Variants in CAPS2 observed in about 807,000 individuals in gnomAD.
CAPS2 encodes the protein calcyphosin-2.
A neutral mutation model predicts 86.5 loss-of-function variants in CAPS2; 98 were observed. The observed-to-expected ratio is 1.13, with a 90% confidence interval of 0.96 to 1.34. The LOEUF is 1.34. Ranked by LOEUF, CAPS2 falls within the 40% of genes most tolerant of loss-of-function variation. The pLI is 0.00. For missense variants in CAPS2, 729 were observed against 686.8 expected, an observed-to-expected ratio of 1.06 and a Z score of -0.69; for synonymous variants, 210 against 225.1, an observed-to-expected ratio of 0.93 and a Z score of 0.60.
intron 8 of CAPS2, among the ~76,000 whole-genome samples, chr12:75,300,509 T>TA: frequency 7.8e-6 from 1 of 128,266 alleles, no homozygotes; most frequent in Non-Finnish European, 1.5e-5. Context: ...TGAGCCGAGA[T>TA]CGCGCCACTG....
At chr12:75,336,086 T>G (rs1330673787) in intron 1 of CAPS2, among the ~76,000 whole-genome samples, 1 of 151,888 alleles carries the variant, frequency 6.6e-6, no homozygotes, top group Non-Finnish European at 1.5e-5. Flanking sequence ...TGAAGTGAAG[T>G]GTCAATAGAA....
Position 75,343,899 on chromosome 12 carries a change from T to A in CAPS2, c.-394-20677A>T, listed in dbSNP as rs1224169125. ...ATGAAACCCAATTTTATGATTTTGATAGTCTATCATGCTCCAGAGTCTGTG... is the reference window on the plus strand; with the variant it reads ...ATGAAACCCAATTTTATGATTTTGAAAGTCTATCATGCTCCAGAGTCTGTG... On this transcript the variant is annotated intron_variant, in intron 1 of 5. Coordinates refer to the CAPS2 transcript ENST00000551829. 1.6e-5 allele frequency: 26 copies of A among 1,611,560 alleles called. No homozygotes were observed. The highest frequency in any genetic ancestry group is 2.2e-5 in the Non-Finnish European group (26 of 1,177,950).
chr12:75,379,504 T>C (rs2044840901), intron 1 of CAPS2, among the ~76,000 whole-genome samples: 2 of 152,206 alleles, frequency 1.3e-5, no homozygotes, highest in Admixed American at 1.3e-4. Flanking sequence ...TTACTCTGAA[T>C]AGACTGTTGA....
At chr12:75,324,447 A>G (rs1487857579) in intron 2 of CAPS2, among the ~76,000 whole-genome samples, 1 of 152,216 alleles carries the variant, frequency 6.6e-6, no homozygotes, top group African/African-American at 2.4e-5. Flanking sequence ...AAAATTTACA[A>G]TAAACTTATA....
upstream of CAPS2, chr12:75,334,782 A>T (rs1047881765): frequency 3.1e-6 from 5 of 1,614,008 alleles, no homozygotes; most frequent in African/African-American, 4.0e-5. Context: ...TGTGTTTGGT[A>T]GCCACTACAT....
intron 1 of CAPS2, among the ~76,000 whole-genome samples, chr12:75,370,925 T>C (rs543600524): frequency 6.6e-5 from 10 of 152,248 alleles, no homozygotes; most frequent in Non-Finnish European, 1.0e-4. Context: ...GCTGAATTGT[T>C]GACTCCTGTG....
chr12:75,341,238 A>T (rs1239397332), intron 1 of CAPS2, among the ~76,000 whole-genome samples: 1 of 152,164 alleles, frequency 6.6e-6, no homozygotes, highest in Non-Finnish European at 1.5e-5. Flanking sequence ...TAATAGCTCA[A>T]ACTTGTAAAC....
Position 75,308,065 on chromosome 12 carries a change from C to G in CAPS2, c.660-3189G>C, listed in dbSNP as rs1442018780. ...AAAAATTGAAAATACCTGATTGGTC[C>G]CCTCCCAAGACCAATCAGGATGGTT... is the stretch of plus-strand genomic sequence containing the variant. On this transcript the variant is annotated intron_variant, in intron 7 of 16. Transcript: ENST00000393284. Among the ~76,000 whole-genome samples, 3 of 152,196 alleles carry G rather than the reference C, an allele frequency of 2.0e-5. No homozygotes were observed. In the East Asian group the frequency reaches 5.8e-4, roughly 29 times the overall value.
intron 1 of CAPS2, 59 bp downstream of exon 2, chr12:75,326,359 G>T: frequency 1.6e-6 from 1 of 637,592 alleles, no homozygotes; most frequent in Non-Finnish European, 2.7e-6. Flanking sequence ...ATGAAGAAAA[G>T]GTAAAAAAAT....
chr12:75,282,450 G>A (rs1359160592), intron 15 of CAPS2, 103 bp from the exon 16 acceptor site: 2 of 756,684 alleles, frequency 2.6e-6, no homozygotes, highest in African/African-American at 3.5e-5. Flanking sequence ...GCAATGGCGT[G>A]ATCTCAGCTC....
chr12:75,301,337 G>A (rs2037790058), intron 8 of CAPS2, among the ~76,000 whole-genome samples: 1 of 152,184 alleles, frequency 6.6e-6, no homozygotes, highest in Non-Finnish European at 1.5e-5. Flanking sequence ...GGAAACGTGA[G>A]CCTGCAAACC....
upstream of CAPS2, chr12:75,334,794 T>C (rs1038479826): frequency 3.0e-5 from 48 of 1,613,996 alleles, no homozygotes; most frequent in Non-Finnish European, 4.0e-5. Flanking sequence ...CCACTACATC[T>C]TCCAAAATCC....
intron 1 of CAPS2, among the ~76,000 whole-genome samples, chr12:75,357,886 A>G (rs1387627854): frequency 1.3e-5 from 2 of 151,794 alleles, no homozygotes; most frequent in Non-Finnish European, 2.9e-5. Context: ...AAGGCCCACA[A>G]TAGAAAAAAA....
chr12:75,366,644 C>A (rs1253344817), intron 1 of CAPS2, among the ~76,000 whole-genome samples: 1 of 147,554 alleles, frequency 6.8e-6, no homozygotes, highest in Non-Finnish European at 1.5e-5. Context: ...TTGTTGCCTA[C>A]TTTTTTTTTT....
At chr12:75,306,949 T>G (rs2038574208) in intron 7 of CAPS2, among the ~76,000 whole-genome samples, 1 of 151,874 alleles carries the variant, frequency 6.6e-6, no homozygotes, top group African/African-American at 2.4e-5. Flanking sequence ...AAAAATTGAC[T>G]ACAAGTTAGC....
At chr12:75,357,829 T>C (rs2043252009) in intron 1 of CAPS2, among the ~76,000 whole-genome samples, 1 of 151,262 alleles carries the variant, frequency 6.6e-6, no homozygotes, top group Non-Finnish European at 1.5e-5. Context: ...AATAAGAACA[T>C]ACGGGATGCT....
At chr12:75,304,101 C>G (rs1288927635) in intron 8 of CAPS2, among the ~76,000 whole-genome samples, 1 of 152,096 alleles carries the variant, frequency 6.6e-6, no homozygotes, top group Non-Finnish European at 1.5e-5. Context: ...ATTGTTACAG[C>G]AGCAATAGGA....
rs575686639 is a variant in CAPS2, at chr12:75,298,794, GA to G, written c.951-15del. The G allele has an allele frequency of 6.8e-5, 105 of 1,532,856 alleles. No individual in the cohort carries two copies. Among genetic ancestry groups the G allele is most frequent in the Middle Eastern group, 3.5e-4 (2 of 5,776 alleles). The allele number at this position is 1,532,856 out of a possible 1,614,324, so 95.0% of individuals were successfully genotyped here. A position where few individuals can be genotyped will look rare whatever the true frequency, so the allele number is the denominator to read the frequency against. ...AGCACATTTGTTCTAGAAAGTAAAT[GA>G]AAAAAAAATGGAAAGTTATTTAGCT... is the stretch of plus-strand genomic sequence containing the variant. On this transcript the variant is annotated splice_polypyrimidine_tract_variant and intron_variant, in intron 10 of 16. Transcript: ENST00000393284.
At chr12:75,333,119 G>GC (rs946701613), upstream of CAPS2, among the ~76,000 whole-genome samples, 6 of 152,010 alleles carry the variant, frequency 3.9e-5, no homozygotes, top group Non-Finnish European at 5.9e-5. Context: ...TTTTATTGTA[G>GC]CCCCCCACTG....
Sources: gnomAD v4.1 joint callset for allele counts (sites outside exome capture counted in the v4.1 genomes callset) on GRCh38, gnomAD v4.1.1 for gene constraint, MANE v1.5 for transcripts, NCBI Gene and HGNC (gene_info 2026-07-23, HGNC 2026-07-21) for gene names.